Variants in PDZD2 observed in about 807,000 individuals in gnomAD.
PDZD2 encodes the protein PDZ domain-containing protein 2.
In PDZD2, 90 loss-of-function variants were observed where a neutral mutation model predicts 220.7. That is an observed-to-expected ratio of 0.41 (90% CI 0.34 to 0.49). PDZD2 has a LOEUF of 0.49. Among genes scored for constraint, PDZD2 ranks in the 20% least tolerant of loss-of-function variants. PDZD2 has a pLI of 0.28. For synonymous variants in PDZD2, 1,375 were observed against 1,450.5 expected, an observed-to-expected ratio of 0.95 and a Z score of 1.18; for missense variants, 3,174 against 3,608.5, an observed-to-expected ratio of 0.88 and a Z score of 3.08.
chr5:31,696,815 T>C (rs1014790622), intron 1 of PDZD2, among the ~76,000 whole-genome samples: 5 of 152,242 alleles, frequency 3.3e-5, no homozygotes, highest in South Asian at 2.1e-4. Flanking sequence ...CACTGACCAA[T>C]AGGGACAGCT....
intron 1 of PDZD2, among the ~76,000 whole-genome samples, chr5:31,648,424 C>A (rs1164354818): frequency 2.0e-5 from 3 of 152,256 alleles, no homozygotes; most frequent in Non-Finnish European, 4.4e-5. Flanking sequence ...GGCTCATTCC[C>A]AAAACTAGAA....
chr5:32,068,583 A>G (rs1425947493), intron 14 of PDZD2, among the ~76,000 whole-genome samples: 1 of 152,236 alleles, frequency 6.6e-6, no homozygotes, highest in Non-Finnish European at 1.5e-5. Flanking sequence ...CAGACTACAG[A>G]CACACTTTGA....
At chr5:31,782,193 G>A (rs6897524) in intron 1 of PDZD2, among the ~76,000 whole-genome samples, 78,509 of 151,762 alleles carry the variant, frequency 0.52, 20,391 homozygotes, top group East Asian at 0.6. Flanking sequence ...GAGTAGGGTT[G>A]CCATATAAAA....
At chr5:31,877,862 T>G (rs773437468) in intron 2 of PDZD2, among the ~76,000 whole-genome samples, 5 of 152,156 alleles carry the variant, frequency 3.3e-5, no homozygotes, top group Middle Eastern at 6.8e-3. Flanking sequence ...GCTAATTTTG[T>G]ATTTTTAGTA....
intron 1 of PDZD2, among the ~76,000 whole-genome samples, chr5:31,656,136 A>G (rs1208130848): frequency 1.3e-5 from 2 of 152,098 alleles, no homozygotes; most frequent in Admixed American, 6.5e-5. Context: ...AAAGAGAGAG[A>G]GGGGGTTTGA....
chr5:31,933,203 C>T (rs188612922), intron 2 of PDZD2, among the ~76,000 whole-genome samples: 16 of 152,330 alleles, frequency 1.1e-4, no homozygotes, highest in East Asian at 9.6e-4. Flanking sequence ...TGAGCCACTG[C>T]GCCCGGCCAG....
At chr5:31,709,659 C>T (rs1204208031) in intron 1 of PDZD2, among the ~76,000 whole-genome samples, 1 of 152,052 alleles carries the variant, frequency 6.6e-6, no homozygotes, top group African/African-American at 2.4e-5. Flanking sequence ...TTTTCCAAGG[C>T]CATTAAGTCA....
chr5:32,043,772 C>T lies in PDZD2; in HGVS notation c.1520-4767C>T, dbSNP rs938655923. Among the ~76,000 whole-genome samples the T allele has an allele frequency of 7.0e-4, 107 of 152,162 alleles. 1 individual carries two copies. The highest frequency in any genetic ancestry group is 2.4e-3 in the African/African-American group (98 of 41,530). On this transcript the variant is annotated intron_variant, in intron 7 of 24. Coordinates refer to ENST00000438447, the MANE Select transcript of PDZD2 (RefSeq NM_178140.4). ...CCTCTTGAGTAGCTGAGACTACACG[C>T]GCAGGCTACCACGCCTGGCTAATTT...
At chr5:31,740,206 A>G (rs1321266810) in intron 1 of PDZD2, among the ~76,000 whole-genome samples, 1 of 152,012 alleles carries the variant, frequency 6.6e-6, no homozygotes, top group Non-Finnish European at 1.5e-5. Context: ...TTGATCCTAC[A>G]TGTGTAAAAT....
At chr5:32,042,012 G>A (rs187352547) in intron 7 of PDZD2, among the ~76,000 whole-genome samples, 1,646 of 39,414 alleles carry the variant, frequency 0.042, 45 homozygotes, top group African/African-American at 0.087. Context: ...TCAGGAGATC[G>A]AGACCATCCT....
chr5:31,656,396 G>A (rs941721416), intron 1 of PDZD2, among the ~76,000 whole-genome samples: 28 of 152,192 alleles, frequency 1.8e-4, no homozygotes, highest in African/African-American at 6.8e-4. Context: ...TTTGATGGAG[G>A]TGTCTTCTTT....
At chr5:32,030,244 C>T (rs1340088947) in intron 6 of PDZD2, among the ~76,000 whole-genome samples, 1 of 152,232 alleles carries the variant, frequency 6.6e-6, no homozygotes, top group Non-Finnish European at 1.5e-5. Context: ...ATCTCTCCTT[C>T]CACATTTGTT....
intron 3 of PDZD2, among the ~76,000 whole-genome samples, chr5:31,990,057 A>G (rs954175058): frequency 1.3e-5 from 2 of 152,130 alleles, no homozygotes; most frequent in African/African-American, 4.8e-5. Flanking sequence ...ATGCTCACCC[A>G]TTTCTTACTG....
intron 2 of PDZD2, among the ~76,000 whole-genome samples, chr5:31,897,041 A>G (rs1222771454): frequency 6.6e-6 from 1 of 152,074 alleles, no homozygotes; most frequent in Admixed American, 6.5e-5. Flanking sequence ...ATGTTACTCA[A>G]ATGAGATCTC....
In PDZD2 at chr5:32,000,377, T is replaced by C. The variant is rs10054504; in HGVS notation, c.1254+106T>C. On this transcript the variant is annotated intron_variant, in intron 5 of 24. Coordinates refer to ENST00000438447, the MANE Select transcript of PDZD2 (RefSeq NM_178140.4). The surrounding 1 kb of genome is among the most constrained non-coding windows in gnomAD (Gnocchi z 4.5). ...ACACACAAAGACATGTGTGCACTTG[T>C]ACGTTTGCCTTGGGCTATTGAAACA... The C allele has an allele frequency of 0.82, 999,018 of 1,219,698 alleles. 423,177 individuals are homozygous for C. Among genetic ancestry groups the C allele is most frequent in the Non-Finnish European group, 0.89 (740,572 of 834,156 alleles). The allele number at this position is 1,219,698 out of a possible 1,614,324, so 75.6% of individuals were successfully genotyped here.
At chr5:32,053,499 C>A (rs532692430) in intron 9 of PDZD2, among the ~76,000 whole-genome samples, 92 of 152,296 alleles carry the variant, frequency 6.0e-4, no homozygotes, top group African/African-American at 2.1e-3. Context: ...CAAATATTGG[C>A]AATTTGGTAT....
chr5:31,653,515 A>G (rs1745429102), intron 1 of PDZD2, among the ~76,000 whole-genome samples: 1 of 152,198 alleles, frequency 6.6e-6, no homozygotes, highest in South Asian at 2.1e-4. Flanking sequence ...CTAATGTGAG[A>G]GGGAGGACCT....
intron 1 of PDZD2, among the ~76,000 whole-genome samples, chr5:31,777,302 T>A (rs1214633488): frequency 2.0e-5 from 3 of 152,190 alleles, no homozygotes; most frequent in African/African-American, 7.2e-5. Flanking sequence ...CCGCCCGCAC[T>A]GTGCTTGAAT....
chr5:31,852,925 T>TAC (rs1362202209), intron 2 of PDZD2, among the ~76,000 whole-genome samples: 2 of 152,154 alleles, frequency 1.3e-5, no homozygotes, highest in Non-Finnish European at 1.5e-5. Context: ...AGCATTGATG[T>TAC]ACACATCATC....
Sources: gnomAD v4.1 joint callset for allele counts (sites outside exome capture counted in the v4.1 genomes callset) on GRCh38, gnomAD v4.1.1 for gene constraint, Gnocchi (gnomAD v3.1) non-coding constraint, MANE v1.5 for transcripts, NCBI Gene and HGNC (gene_info 2026-07-23, HGNC 2026-07-21) for gene names.